The following ZNF544 variants were observed in gnomAD, a reference collection of about 807,000 sequenced individuals.
ZNF544 encodes zinc finger protein 544, also known as zinc finger protein AF020591.
A neutral mutation model predicts 13.5 loss-of-function variants in ZNF544; 10 were observed. The ratio of observed to expected loss-of-function variants is 0.74; its 90% CI spans 0.46 to 1.25. ZNF544 has a LOEUF of 1.25. Ranked by LOEUF, ZNF544 falls within the 50% of genes most tolerant of loss-of-function variation. ZNF544 has a pLI of 0.00. For synonymous variants in ZNF544, 323 were observed against 300.5 expected, an observed-to-expected ratio of 1.07 and a Z score of -0.77; for missense variants, 896 against 845.6, an observed-to-expected ratio of 1.06 and a Z score of -0.74.
chr19:58,256,972 A>T (rs1906898650), intron 6 of ZNF544, among the ~76,000 whole-genome samples: 1 of 149,826 alleles, frequency 6.7e-6, no homozygotes. Flanking sequence ...CCCAAGCTGG[A>T]GTGCAGTGGC....
rs746577887 is a variant in ZNF544, at chr19:58,262,189, CCTT to C, written c.1586_1588del (p.Phe529del). 6.2e-6 allele frequency: 10 copies of C among 1,613,810 alleles called. No homozygotes were observed. In the East Asian group the frequency reaches 6.7e-5, roughly 11 times the overall value. On this transcript the variant is annotated inframe_deletion, in exon 7 of 7. Coordinates refer to ENST00000687789, the MANE Select transcript of ZNF544 (RefSeq NM_014480.4). ...TATGAGTGCAACCTGTGTGGGAAATCCTTCTCCCAGAGTTCCAAACTTATTACG... is the reference window on the plus strand; with the variant it reads ...TATGAGTGCAACCTGTGTGGGAAATCCTCCCAGAGTTCCAAACTTATTACG...
intron 2 of ZNF544, chr19:58,229,806 A>G (rs1209170181): frequency 6.6e-6 from 1 of 152,524 alleles, no homozygotes; most frequent in African/African-American, 2.4e-5. Context: ...TGGGGACCGT[A>G]CAAGGCAGTG....
rs762770065 is a variant in ZNF544, at chr19:58,244,070, C to G, written c.33+14C>G. The stretch of plus-strand genomic sequence containing the variant: ...GTTCCACCCCAGGTGAGTGGGGGGT[C>G]TTTGCTCTCAGTGCCTTGGTCTCCA... On this transcript the variant is annotated intron_variant, in intron 4 of 6. Transcript: ENST00000687789. The G allele has an allele frequency of 6.9e-6, 11 of 1,604,054 alleles. No individual in the cohort carries two copies. The highest frequency in any genetic ancestry group is 1.3e-5 in the African/African-American group (1 of 74,618).
chr19:58,261,961 T>C lies in ZNF544; in HGVS notation c.1355T>C (p.Ile452Thr). ...TCCTTCAGGTGGAACTCTAACCTCA[T>C]TGTACATCAGAGAATTCATACTGGA... is the stretch of plus-strand genomic sequence containing the variant. Reference protein sequence around the residue: ...RKSFRWNSNLIVHQRIHTGEK... With the variant: ...RKSFRWNSNLTVHQRIHTGEK... Residue 452 changes from isoleucine (I) to threonine (T), a missense_variant, in exon 7 of 7, where the codon ATT (isoleucine) becomes ACT (threonine). Transcript: ENST00000687789. 2.5e-6 allele frequency: 4 copies of C among 1,613,672 alleles called. No individual in the cohort carries two copies. In the African/African-American group the frequency reaches 4.0e-5, roughly 16 times the overall value.
At chr19:58,249,570 G>A (rs2045957373) in intron 6 of ZNF544, among the ~76,000 whole-genome samples, 1 of 152,182 alleles carries the variant, frequency 6.6e-6, no homozygotes, top group South Asian at 2.1e-4. Flanking sequence ...CCCCAACTTA[G>A]CATTTTTGAC....
At chr19:58,276,294 G>T in intron 5 of ZNF544, 1 of 1,193,572 alleles carries the variant, frequency 8.4e-7, no homozygotes, top group Non-Finnish European at 1.0e-6. Flanking sequence ...GAAGGCAATA[G>T]ATCCTCCTAG....
chr19:58,261,830 T>A lies in ZNF544; in HGVS notation c.1224T>A (p.Tyr408Ter). The A allele has an allele frequency of 6.2e-7, 1 of 1,613,694 alleles. No individual in the cohort carries two copies. The highest frequency in any genetic ancestry group is 8.5e-7 in the Non-Finnish European group (1 of 1,179,930). Reference sequence around the variant, plus strand: ...GGACACACACTGGAGAGAAGCCCTATGAGTGTGACCTGTGTGGGAAATCCT... The same window carrying A: ...GGACACACACTGGAGAGAAGCCCTAAGAGTGTGACCTGTGTGGGAAATCCT... ...HQRTHTGEKP[Y>*]ECDLCGKSFT... Residue 408 changes from tyrosine to a stop codon, truncating the protein, a stop_gained, in exon 7 of 7, where the codon TAT becomes TAA. Transcript: ENST00000687789. LOFTEE classifies it low-confidence loss of function (END_TRUNC).
At chr19:58,272,998 A>AT (rs1600436484) in intron 5 of ZNF544, among the ~76,000 whole-genome samples, 1 of 152,164 alleles carries the variant, frequency 6.6e-6, no homozygotes, top group East Asian at 1.9e-4. Flanking sequence ...CCTGGCTAAC[A>AT]TGGTGAAACC....
chr19:58,268,484 C>T (rs184351587), downstream of ZNF544, among the ~76,000 whole-genome samples: 3 of 152,152 alleles, frequency 2.0e-5, no homozygotes, highest in Non-Finnish European at 4.4e-5. Context: ...AAATTTAATT[C>T]TCTCAGCAAG....
intron 3 of ZNF544, among the ~76,000 whole-genome samples, chr19:58,242,861 G>A (rs1020421373): frequency 6.6e-6 from 1 of 152,074 alleles, no homozygotes; most frequent in Non-Finnish European, 1.5e-5. Flanking sequence ...ACCATGCCTG[G>A]CTAATTTTTG....
chr19:58,236,863 T>G (rs2042512185), intron 3 of ZNF544, among the ~76,000 whole-genome samples: 2 of 151,188 alleles, frequency 1.3e-5, no homozygotes, highest in South Asian at 4.2e-4. Context: ...TGCCTCAGCC[T>G]CCCAAGTAGC....
intron 6 of ZNF544, among the ~76,000 whole-genome samples, chr19:58,256,602 A>G (rs891800219): frequency 2.0e-5 from 3 of 152,224 alleles, no homozygotes; most frequent in African/African-American, 7.2e-5. Flanking sequence ...TTTCATTATA[A>G]TTAGATATAT....
At chr19:58,232,765 T>TAAAAAAAAA (rs529610316) in intron 3 of ZNF544, among the ~76,000 whole-genome samples, 163 of 107,818 alleles carry the variant, frequency 1.5e-3, no homozygotes, top group Non-Finnish European at 2.4e-3. Context: ...CCGTCTCTAC[T>TAAAAAAAAA]AAAAAAAAAA....
intron 6 of ZNF544, chr19:58,277,090 G>C: frequency 3.3e-6 from 3 of 906,818 alleles, no homozygotes; most frequent in Admixed American, 8.6e-5. Context: ...TCTTGGTTTG[G>C]TCTGGTCTCA....
chr19:58,271,187 GGGCAACAGA>G (rs1257157576), intron 5 of ZNF544, among the ~76,000 whole-genome samples: 1 of 150,942 alleles, frequency 6.6e-6, no homozygotes, highest in Non-Finnish European at 1.5e-5. Context: ...GCTCCAGCCT[GGGCAACAGA>G]GTCAGACTCC....
intron 6 of ZNF544, chr19:58,276,446 G>A: frequency 8.4e-7 from 1 of 1,196,090 alleles, no homozygotes; most frequent in Non-Finnish European, 1.0e-6. Context: ...GAAGACATCT[G>A]TCAAAAGTCA....
At chr19:58,247,640 C>G (rs1468730411) in intron 6 of ZNF544, 1 of 152,194 alleles carries the variant, frequency 6.6e-6, no homozygotes, top group Non-Finnish European at 1.5e-5. Context: ...AGGTGATCCA[C>G]CTGCCTCAGC....
chr19:58,252,551 T>C (rs892406320), intron 6 of ZNF544, among the ~76,000 whole-genome samples: 1 of 152,118 alleles, frequency 6.6e-6, no homozygotes, highest in Non-Finnish European at 1.5e-5. Context: ...ACCCTTTTTT[T>C]TAAGTCAACA....
At chr19:58,247,325 A>C (rs1369606329) in intron 6 of ZNF544, 3 of 153,162 alleles carry the variant, frequency 2.0e-5, no homozygotes, top group Non-Finnish European at 4.4e-5. Flanking sequence ...GCAATGGCAC[A>C]ATCTCGGCTC....
Sources: gnomAD v4.1 joint callset for allele counts (sites outside exome capture counted in the v4.1 genomes callset) on GRCh38, gnomAD v4.1.1 for gene constraint, MANE v1.5 for transcripts, NCBI Gene and HGNC (gene_info 2026-07-23, HGNC 2026-07-21) for gene names.